The following MPRIP variants were observed in gnomAD, a reference collection of about 807,000 sequenced individuals.
MPRIP encodes myosin phosphatase Rho-interacting protein.
In MPRIP, 59 loss-of-function variants were observed where a neutral mutation model predicts 234.9. The ratio of observed to expected loss-of-function variants is 0.25; its 90% CI spans 0.20 to 0.31. The LOEUF is 0.31. MPRIP is among the 10% of genes least tolerant of loss of function. MPRIP has a pLI of 1.00. For synonymous variants in MPRIP, 1,144 were observed against 1,263.9 expected, an observed-to-expected ratio of 0.91 and a Z score of 2.01; for missense variants, 2,436 against 3,071.0, an observed-to-expected ratio of 0.79 and a Z score of 4.89.
chr17:17,089,871 G>T (rs2089674666), intron 3 of MPRIP, among the ~76,000 whole-genome samples: 1 of 152,204 alleles, frequency 6.6e-6, no homozygotes, highest in Non-Finnish European at 1.5e-5. Flanking sequence ...TCAGTTGGGG[G>T]CGATGGAGAA....
chr17:17,124,776 G>A (rs988996310), intron 3 of MPRIP, among the ~76,000 whole-genome samples: 1 of 152,214 alleles, frequency 6.6e-6, no homozygotes, highest in Non-Finnish European at 1.5e-5. Context: ...CAAGAGGGAA[G>A]TCAGAGCAAC....
At chr17:17,102,327 C>A (rs1438798653) in intron 3 of MPRIP, among the ~76,000 whole-genome samples, 2 of 152,216 alleles carry the variant, frequency 1.3e-5, no homozygotes, top group African/African-American at 4.8e-5. Flanking sequence ...TGAGCACCTG[C>A]CTTGTACTCT....
chr17:17,055,540 T>C (rs1033224232), intron 1 of MPRIP, among the ~76,000 whole-genome samples: 5 of 152,098 alleles, frequency 3.3e-5, no homozygotes, highest in Non-Finnish European at 7.4e-5. Flanking sequence ...TTACAAGTCA[T>C]TCACCCTTGC....
chr17:17,060,401 G>A (rs2088834344), intron 1 of MPRIP, among the ~76,000 whole-genome samples: 1 of 152,200 alleles, frequency 6.6e-6, no homozygotes, highest in Non-Finnish European at 1.5e-5. Context: ...TTACCTTCTG[G>A]AATGGCCTGC....
chr17:17,044,111 T>TG (rs1409756817), intron 1 of MPRIP, among the ~76,000 whole-genome samples: 1 of 152,304 alleles, frequency 6.6e-6, no homozygotes, highest in Non-Finnish European at 1.5e-5. Context: ...GCACGGGGCC[T>TG]TTCTCTGAGG....
intron 1 of MPRIP, among the ~76,000 whole-genome samples, chr17:17,046,458 A>T (rs1308079596): frequency 6.6e-6 from 1 of 150,836 alleles, no homozygotes; most frequent in Admixed American, 6.6e-5. Flanking sequence ...AAGCGCATAA[A>T]TTTTTTTTTT....
chr17:17,109,136 A>G (rs2090119700), intron 3 of MPRIP, among the ~76,000 whole-genome samples: 1 of 152,198 alleles, frequency 6.6e-6, no homozygotes, highest in Non-Finnish European at 1.5e-5. Flanking sequence ...AAAGGTCTCA[A>G]AAACTCATGC....
Position 17,158,999 on chromosome 17 carries a change from G to A in MPRIP, c.2397G>A (p.Lys799=). 1 of 1,610,566 alleles carries A rather than the reference G, an allele frequency of 6.2e-7. No individual in the cohort carries two copies. Among genetic ancestry groups the A allele is most frequent in the South Asian group, 1.1e-5 (1 of 90,798 alleles). Residue 799 remains lysine, a synonymous_variant, in exon 14 of 24, where the codon AAG becomes AAA. Coordinates refer to ENST00000651222, the MANE Select transcript of MPRIP (RefSeq NM_001364716.4). Reference sequence around the variant, plus strand: ...ACGAGCTGACCTCTCTGCTCGAGAAGGAGGTAATAGCCTGGGACCAGATCC... The same window carrying A: ...ACGAGCTGACCTCTCTGCTCGAGAAAGAGGTAATAGCCTGGGACCAGATCC... ...STHELTSLLE[K]ELEQSQKEAS...
intron 22 of MPRIP, among the ~76,000 whole-genome samples, chr17:17,179,042 G>C (rs989710441): frequency 6.6e-6 from 1 of 152,218 alleles, no homozygotes; most frequent in African/African-American, 2.4e-5. Flanking sequence ...GAGGGCGGGC[G>C]TGGTGGCACC....
At chr17:17,177,136 C>G in intron 21 of MPRIP, 114 bp from the exon 22 acceptor site, 1 of 1,089,794 alleles carries the variant, frequency 9.2e-7, no homozygotes, top group East Asian at 2.4e-5. Flanking sequence ...CAAGCCTCCT[C>G]TTCCGCCCAC....
At position 17,050,829 on chromosome 17, in the gene MPRIP, G is replaced by A. The variant is rs528493737; in HGVS notation, c.123+7858G>A. ...CCTCAGGCCTGTCCTGTGGGGAGCCGGTGAGGGCCGTGGTGGGCAGGCTGG... is the reference window on the plus strand; with the variant it reads ...CCTCAGGCCTGTCCTGTGGGGAGCCAGTGAGGGCCGTGGTGGGCAGGCTGG... On this transcript the variant is annotated intron_variant, in intron 1 of 23. Coordinates refer to ENST00000651222, the MANE Select transcript of MPRIP (RefSeq NM_001364716.4). Among the ~76,000 whole-genome samples, 6 of 152,308 alleles carry A rather than the reference G, an allele frequency of 3.9e-5. 1 individual carries two copies. In the South Asian group the frequency reaches 1.0e-3, roughly 26 times the overall value.
chr17:17,150,365 C>T (rs971149491), intron 12 of MPRIP, 132 bp downstream of exon 12: 19 of 654,964 alleles, frequency 2.9e-5, no homozygotes, highest in Admixed American at 2.5e-4. Context: ...TAGTCTTTCC[C>T]ACTACCCTTG....
intron 3 of MPRIP, among the ~76,000 whole-genome samples, chr17:17,098,984 G>A (rs781220525): frequency 2.6e-5 from 4 of 152,200 alleles, no homozygotes; most frequent in Non-Finnish European, 5.9e-5. Flanking sequence ...AGTGGGGTGG[G>A]GGATGAAGAA....
chr17:17,169,625 A>G (rs2046086077), intron 16 of MPRIP, among the ~76,000 whole-genome samples: 2 of 152,238 alleles, frequency 1.3e-5, no homozygotes. Context: ...CTGCCGTTGC[A>G]TAGTGTCCCC....
chr17:17,158,343 T>C, intron 13 of MPRIP, 89 bp from the exon 14 acceptor site: 1 of 1,118,744 alleles, frequency 8.9e-7, no homozygotes, highest in Admixed American at 2.7e-5. Flanking sequence ...TCACAGGGGC[T>C]GGGTTGTGGC....
chr17:17,112,926 A>C (rs1254310931), intron 3 of MPRIP, among the ~76,000 whole-genome samples: 6 of 152,224 alleles, frequency 3.9e-5, no homozygotes, highest in African/African-American at 9.6e-5. Flanking sequence ...CTCCCTGGCC[A>C]CAGGAGGCCA....
In MPRIP at chr17:17,185,780, C is replaced by G. The variant is rs1434252455; in HGVS notation, c.*886C>G. On this transcript the variant is annotated 3_prime_UTR_variant, in exon 24 of 24. Transcript: ENST00000651222. The stretch of plus-strand genomic sequence containing the variant: ...TTTTTTTACCTTTTGGAAAAGAAAC[C>G]GTCACATTGCTTTGGAAAAGGTTGA... 3 of 342,138 alleles carry G rather than the reference C, an allele frequency of 8.8e-6. No homozygotes were observed. The highest frequency in any genetic ancestry group is 4.2e-5 in the Admixed American group (1 of 24,040). 21.2% of individuals were successfully genotyped at this position (342,138 alleles called of 1,614,324 possible). A position where few individuals can be genotyped will look rare whatever the true frequency, so the allele number is the denominator to read the frequency against.
intron 3 of MPRIP, among the ~76,000 whole-genome samples, chr17:17,108,436 T>C (rs2090105120): frequency 6.6e-6 from 1 of 152,212 alleles, no homozygotes; most frequent in Non-Finnish European, 1.5e-5. Flanking sequence ...TGGCTGAACA[T>C]TAGAATCACT....
At chr17:17,148,953 G>GCCAC (rs1342203998) in intron 11 of MPRIP, among the ~76,000 whole-genome samples, 1 of 152,228 alleles carries the variant, frequency 6.6e-6, no homozygotes, top group Non-Finnish European at 1.5e-5. Context: ...TGATGAAATA[G>GCCAC]GTGGTGGTAT....
Sources: allele counts gnomAD v4.1 joint callset (sites outside exome capture counted in the v4.1 genomes callset), GRCh38; gene constraint gnomAD v4.1.1; transcripts MANE v1.5; gene names NCBI Gene and HGNC (gene_info 2026-07-23, HGNC 2026-07-21).